GSTK1: variants seen among roughly 807,000 people sequenced by gnomAD.
GSTK1 encodes the protein GST class-kappa.
A neutral mutation model predicts 30.9 loss-of-function variants in GSTK1; 25 were observed. That is an observed-to-expected ratio of 0.81 (90% CI 0.59 to 1.13). The LOEUF is 1.13. GSTK1 is among the 50% of genes most tolerant of loss of function. The pLI is 0.00. For synonymous variants in GSTK1, 108 were observed against 112.5 expected, an observed-to-expected ratio of 0.96 and a Z score of 0.25; for missense variants, 292 against 292.4, an observed-to-expected ratio of 1.00 and a Z score of 0.01.
chr7:143,266,653 C>CTTTTTTTTTTTTTTTT (rs35527374), intron 5 of GSTK1, among the ~76,000 whole-genome samples: 18 of 63,324 alleles, frequency 2.8e-4, no homozygotes, highest in Non-Finnish European at 3.5e-4. Flanking sequence ...TTCTTTCTTT[C>CTTTTTTTTTTTTTTTT]TTTTTTTTTT....
intron 2 of GSTK1, 53 bp downstream of exon 2, chr7:143,264,220 C>A: frequency 6.8e-7 from 1 of 1,469,530 alleles, no homozygotes; most frequent in Non-Finnish European, 9.5e-7. Flanking sequence ...AGAGAGCCGA[C>A]CCCAGCGGGT....
intron 2 of GSTK1, 185 bp from the exon 3 acceptor site, chr7:143,264,363 G>T: frequency 1.3e-6 from 1 of 780,434 alleles, no homozygotes; most frequent in Admixed American, 2.3e-5. Flanking sequence ...AGAATCGCTT[G>T]AACCCAGGAG....
In GSTK1 at chr7:143,268,876, C is replaced by A. The variant is rs1345965822; in HGVS notation, c.*39C>A. 1.3e-6 allele frequency: 2 copies of A among 1,573,296 alleles called. No individual in the cohort carries two copies. The highest frequency in any genetic ancestry group is 1.7e-5 in the Admixed American group (1 of 59,944). On this transcript the variant is annotated 3_prime_UTR_variant, in exon 8 of 8. Coordinates refer to ENST00000358406, the MANE Select transcript of GSTK1 (RefSeq NM_015917.3). This position sits in a 1 kb window ranked among gnomAD's most constrained non-coding sequence, Gnocchi z 4.1. The stretch of plus-strand genomic sequence containing the variant: ...AAGCAAACTCTTCGTATAAAAAAAG[C>A]AGGCCATCTGCTTAACCCTTGGCTC...
rs1039191003 is a variant in GSTK1 at position 143,268,375 on chromosome 7, T to G, written c.631+191T>G. Among the ~76,000 whole-genome samples, 1 of 152,104 alleles carries G rather than the reference T, an allele frequency of 6.6e-6. No individual in the cohort carries two copies. The highest frequency in any genetic ancestry group is 2.4e-5 in the African/African-American group (1 of 41,416). ...GACTACAGCTGCCTCAGTGGGAGGCTGAGGCAGGAGAATCACTTGAACCTG... is the reference window on the plus strand; with the variant it reads ...GACTACAGCTGCCTCAGTGGGAGGCGGAGGCAGGAGAATCACTTGAACCTG... On this transcript the variant is annotated intron_variant, in intron 7 of 7. Transcript: ENST00000358406. The surrounding 1 kb of genome is among the most constrained non-coding windows in gnomAD (Gnocchi z 4.1).
intron 5 of GSTK1, among the ~76,000 whole-genome samples, chr7:143,266,216 A>T (rs1176139226): frequency 6.6e-6 from 1 of 151,520 alleles, no homozygotes; most frequent in Admixed American, 6.6e-5. Flanking sequence ...TTTTTTGTAG[A>T]GAAGGGGTTT....
intron 5 of GSTK1, 111 bp from the exon 6 acceptor site, chr7:143,267,506 G>A: frequency 5.1e-6 from 4 of 782,934 alleles, no homozygotes; most frequent in Non-Finnish European, 8.9e-6. Flanking sequence ...GGTGGGTAAG[G>A]GCATTGCCAG....
chr7:143,264,803 A>G, intron 3 of GSTK1, 127 bp downstream of exon 3: 3 of 1,398,226 alleles, frequency 2.1e-6, no homozygotes, highest in South Asian at 2.4e-5. Flanking sequence ...AAACCTCAGG[A>G]TCAGCCTTGA....
At chr7:143,266,221 G>A (rs1184383982) in intron 5 of GSTK1, among the ~76,000 whole-genome samples, 2 of 151,466 alleles carry the variant, frequency 1.3e-5, no homozygotes, top group African/African-American at 4.9e-5. Context: ...TGTAGAGAAG[G>A]GGTTTCACTG....
chr7:143,265,193 G>T lies in GSTK1; in HGVS notation c.385-68G>T. The stretch of plus-strand genomic sequence containing the variant: ...GTCATGATCCTGCCCCCGCCCGGGG[G>T]ATCTACTGTCCTCCCAGTCACACCC... On this transcript the variant is annotated intron_variant, in intron 4 of 7. Coordinates refer to ENST00000358406, the MANE Select transcript of GSTK1 (RefSeq NM_015917.3). 1.9e-6 allele frequency: 3 copies of T among 1,606,806 alleles called. No homozygotes were observed. The highest frequency in any genetic ancestry group is 1.7e-4 in the Middle Eastern group (1 of 6,052).
At chr7:143,267,164 C>A (rs987662741) in intron 5 of GSTK1, among the ~76,000 whole-genome samples, 1 of 152,110 alleles carries the variant, frequency 6.6e-6, no homozygotes. Context: ...GGAATTACAG[C>A]CTAGCTCTTG....
At chr7:143,264,848 A>G (rs1445177543) in intron 3 of GSTK1, 144 bp from the exon 4 acceptor site, 4 of 1,249,430 alleles carry the variant, frequency 3.2e-6, no homozygotes, top group Non-Finnish European at 4.5e-6. Flanking sequence ...AAAGGGAAGA[A>G]GAGCAGGCAA....
At chr7:143,264,435 A>G (rs1800809888) in intron 2 of GSTK1, 113 bp from the exon 3 acceptor site, 4 of 1,122,796 alleles carry the variant, frequency 3.6e-6, no homozygotes, top group Admixed American at 2.2e-5. Flanking sequence ...CAAGAGCGAA[A>G]CAACAAGAGA....
chr7:143,263,698 G>T (rs932865022), intron 1 of GSTK1, 113 bp downstream of exon 1: 1 of 964,486 alleles, frequency 1.0e-6, no homozygotes, highest in African/African-American at 1.6e-5. Flanking sequence ...CGCCCAAGGG[G>T]TTAAGGCAAG....
chr7:143,267,184 A>C (rs1444529934), intron 5 of GSTK1, among the ~76,000 whole-genome samples: 1 of 152,202 alleles, frequency 6.6e-6, no homozygotes, highest in East Asian at 1.9e-4. Context: ...GATTCAAAAA[A>C]AGCATGAGAT....
chr7:143,266,705 A>AGT (rs1800891589), intron 5 of GSTK1, among the ~76,000 whole-genome samples: 1 of 116,626 alleles, frequency 8.6e-6, no homozygotes, highest in Non-Finnish European at 1.6e-5. Flanking sequence ...TTTGTCACCC[A>AGT]GGCTGGGGTG....
intron 2 of GSTK1, 51 bp downstream of exon 2, chr7:143,264,218 G>A: frequency 1.4e-6 from 2 of 1,480,460 alleles, no homozygotes; most frequent in East Asian, 2.3e-5. Flanking sequence ...CAAGAGAGCC[G>A]ACCCCAGCGG....
At chr7:143,264,014 C>T in intron 1 of GSTK1, 72 bp from the exon 2 acceptor site, 3 of 1,391,088 alleles carry the variant, frequency 2.2e-6, no homozygotes, top group Non-Finnish European at 3.1e-6. Flanking sequence ...TTAGCGCCTC[C>T]CTTCCCTTTC....
Position 143,264,686 on chromosome 7 carries a change from G to C in GSTK1, c.283+10G>C, listed in dbSNP as rs751540528. On this transcript the variant is annotated intron_variant, in intron 3 of 7. Coordinates refer to ENST00000358406, the MANE Select transcript of GSTK1 (RefSeq NM_015917.3). ...GTGATGCTTGAAAAAGGTGAAGAGA[G>C]TGGGATGTAGACAGGGTATCCAGTG... is the stretch of plus-strand genomic sequence containing the variant. 1 of 1,613,946 alleles carries C rather than the reference G, an allele frequency of 6.2e-7. No individual in the cohort carries two copies. The highest frequency in any genetic ancestry group is 1.1e-5 in the South Asian group (1 of 91,074).
Position 143,268,211 on chromosome 7 carries a change from A to G in GSTK1, c.631+27A>G, listed in dbSNP as rs41276045. 294 of 1,578,914 alleles carry G rather than the reference A, an allele frequency of 1.9e-4. 1 individual carries two copies. The highest frequency in any genetic ancestry group is 2.4e-4 in the Non-Finnish European group (282 of 1,151,178). On this transcript the variant is annotated intron_variant, in intron 7 of 7. Transcript: ENST00000358406. The surrounding 1 kb of genome is among the most constrained non-coding windows in gnomAD (Gnocchi z 4.1). ...TAAGTAAGTTAAAGAATCAACCCTG[A>G]GCCAGGTGCAGTGGCTCACGCCTGT...
Sources: gnomAD v4.1 joint callset for allele counts (sites outside exome capture counted in the v4.1 genomes callset) on GRCh38, gnomAD v4.1.1 for gene constraint, Gnocchi (gnomAD v3.1) non-coding constraint, MANE v1.5 for transcripts, NCBI Gene and HGNC (gene_info 2026-07-23, HGNC 2026-07-21) for gene names.